The following PM20D2 variants were observed in gnomAD, a reference collection of about 807,000 sequenced individuals.
PM20D2 encodes peptidase M20 domain containing 2.
In PM20D2, 33 loss-of-function variants were observed where a neutral mutation model predicts 42.9. The ratio of observed to expected loss-of-function variants is 0.77; its 90% CI spans 0.58 to 1.03. The LOEUF is 1.03. Ranked by LOEUF, PM20D2 falls within the 50% of genes least tolerant of loss-of-function variation. PM20D2 has a pLI of 0.00. For synonymous variants in PM20D2, 250 were observed against 228.2 expected (o/e 1.10, Z -0.86); for missense variants, 548 against 557.0 (o/e 0.98, Z 0.16).
the PM20D2 span, among the ~76,000 whole-genome samples, chr6:89,128,235 T>C: frequency 6.6e-6 from 1 of 152,246 alleles, no homozygotes; most frequent in Non-Finnish European, 1.5e-5. Flanking sequence ...ATTAATACCC[T>C]TGGAAAGGAA....
chr6:89,102,969 T>C, the PM20D2 span, among the ~76,000 whole-genome samples: 7 of 152,142 alleles, frequency 4.6e-5, no homozygotes, highest in African/African-American at 1.7e-4. Context: ...CTCACTATGT[T>C]GCCCAGGCTG....
the PM20D2 span, among the ~76,000 whole-genome samples, chr6:89,127,927 C>G: frequency 6.6e-6 from 1 of 152,204 alleles, no homozygotes; most frequent in Non-Finnish European, 1.5e-5. Flanking sequence ...TCTTTAATCT[C>G]TTAATCCTGT....
At chr6:89,135,475 G>T in the PM20D2 span, among the ~76,000 whole-genome samples, 1 of 151,196 alleles carries the variant, frequency 6.6e-6, no homozygotes, top group Non-Finnish European at 1.5e-5. Context: ...TTCTTGGACA[G>T]TGATAAATCT....
the PM20D2 span, among the ~76,000 whole-genome samples, chr6:89,121,304 G>T: frequency 6.6e-6 from 1 of 152,098 alleles, no homozygotes; most frequent in Non-Finnish European, 1.5e-5. Context: ...GAGGCAGCTA[G>T]TGTAAAGTGT....
the PM20D2 span, among the ~76,000 whole-genome samples, chr6:89,117,520 A>AG: frequency 1.3e-5 from 2 of 152,224 alleles, no homozygotes; most frequent in East Asian, 1.9e-4. Flanking sequence ...AGCTCGGGAG[A>AG]GGGGCGCCCC....
chr6:89,117,960 C>T, the PM20D2 span: 3 of 1,465,390 alleles, frequency 2.0e-6, no homozygotes, highest in Non-Finnish European at 2.7e-6. Context: ...ACCGCTGCTA[C>T]CACCACAGGA....
At chr6:89,144,068 A>G (rs1393667945), upstream of PM20D2, among the ~76,000 whole-genome samples, 2 of 152,242 alleles carry the variant, frequency 1.3e-5, no homozygotes, top group East Asian at 1.9e-4. Context: ...CAGTTTATCA[A>G]ATAAATGAAT....
chr6:89,151,279 A>G (rs945528957), intron 2 of PM20D2, among the ~76,000 whole-genome samples: 30 of 143,234 alleles, frequency 2.1e-4, no homozygotes, highest in African/African-American at 7.4e-4. Context: ...CACCCAGGCT[A>G]GAGTACAGTG....
chr6:89,114,495 A>G, the PM20D2 span, among the ~76,000 whole-genome samples: 68 of 152,330 alleles, frequency 4.5e-4, no homozygotes, highest in African/African-American at 1.5e-3. Context: ...TAATATATGT[A>G]ATGTTTTTAG....
At chr6:89,109,193 C>G in the PM20D2 span, among the ~76,000 whole-genome samples, 11 of 152,232 alleles carry the variant, frequency 7.2e-5, no homozygotes, top group East Asian at 1.7e-3. Flanking sequence ...GGCACCCCAA[C>G]CCGATGCATT....
At chr6:89,116,865 G>A in the PM20D2 span, among the ~76,000 whole-genome samples, 1 of 152,054 alleles carries the variant, frequency 6.6e-6, no homozygotes. Context: ...GATGACTATG[G>A]AGTCAAGAGC....
chr6:89,149,762 G>A (rs77040481), intron 2 of PM20D2, among the ~76,000 whole-genome samples: 5,326 of 152,258 alleles, frequency 0.035, 246 homozygotes, highest in African/African-American at 0.11. Flanking sequence ...GCGAGAGATC[G>A]TTCTATTAGC....
rs546425747 is a variant in PM20D2 at position 89,158,442 on chromosome 6, A to G, written c.1030A>G (p.Met344Val). Residue 344 changes from methionine (M) to valine (V), a missense_variant, in exon 5 of 7, where the codon ATG (methionine) becomes GTG (valine). Around this residue, in one of 3 missense-constraint regions of PM20D2, gnomAD observed 470 missense variants for 464.4 expected, o/e 1.01. Transcript: ENST00000275072. ...LGIEFISEDT[M>V]LNGPSGSTDF... ...AATAGAGTTCATTTCAGAAGATACA[A>G]TGTTGAATGGCCCTTCAGGTAATTA... 6.8e-5 allele frequency: 110 copies of G among 1,607,706 alleles called. No individual in the cohort carries two copies. In the East Asian group the frequency reaches 1.9e-3, roughly 27 times the overall value.
chr6:89,103,578 G>A, the PM20D2 span, among the ~76,000 whole-genome samples: 2 of 151,878 alleles, frequency 1.3e-5, no homozygotes, highest in Admixed American at 6.6e-5. Flanking sequence ...ATCCGCCCCC[G>A]CCCTGGCCTC....
chr6:89,098,906 C>T, the PM20D2 span: 10 of 1,613,696 alleles, frequency 6.2e-6, no homozygotes, highest in Admixed American at 6.7e-5. Flanking sequence ...TGATTTGGAA[C>T]GAGATTTAGA....
chr6:89,154,504 G>A (rs2039293), intron 3 of PM20D2, among the ~76,000 whole-genome samples: 51,868 of 151,914 alleles, frequency 0.34, 9,694 homozygotes, highest in African/African-American at 0.5. Context: ...TTAACATTAT[G>A]TAAATTCTTC....
At chr6:89,096,441 T>C in the PM20D2 span, 1 of 152,186 alleles carries the variant, frequency 6.6e-6, no homozygotes, top group African/African-American at 2.4e-5. Flanking sequence ...TATAGAACAG[T>C]GCCAAGCATG....
upstream of PM20D2, chr6:89,146,004 G>T (rs1199741394): frequency 3.0e-6 from 2 of 669,036 alleles, no homozygotes. Context: ...CCCCGGGACT[G>T]GGGGTGGTGC....
At chr6:89,141,774 T>C (rs1256582871), upstream of PM20D2, among the ~76,000 whole-genome samples, 2 of 152,188 alleles carry the variant, frequency 1.3e-5, no homozygotes, top group Non-Finnish European at 2.9e-5. Flanking sequence ...TCTCTCCTGC[T>C]TAATAACATC....
Sources: gnomAD v4.1 joint callset for allele counts (sites outside exome capture counted in the v4.1 genomes callset) on GRCh38, gnomAD v4.1.1 for gene constraint, gnomAD v4.1.1 regional missense constraint, MANE v1.5 for transcripts, NCBI Gene and HGNC (gene_info 2026-07-23, HGNC 2026-07-21) for gene names.